RIMS2: variants seen among roughly 807,000 people sequenced by gnomAD.
The protein encoded by RIMS2 is regulating synaptic membrane exocytosis protein 2.
Under a neutral mutation model 174.4 loss-of-function variants are expected in RIMS2, and 59 were observed. That is an observed-to-expected ratio of 0.34 (90% confidence interval 0.27 to 0.42). The LOEUF (loss-of-function observed/expected upper bound fraction) is 0.42. Ranked by LOEUF, RIMS2 falls within the 10% of genes least tolerant of loss-of-function variation. The pLI is 1.00. For missense variants in RIMS2, 1,620 were observed against 1,666.3 expected (o/e 0.97, Z 0.48); for synonymous variants, 606 against 572.5 (o/e 1.06, Z -0.84).
intron 19 of RIMS2, among the ~76,000 whole-genome samples, chr8:104,059,483 G>A (rs2096936643): frequency 6.6e-6 from 1 of 150,586 alleles, no homozygotes; most frequent in Non-Finnish European, 1.5e-5. Context: ...AGACAATGGG[G>A]TTTTCTAGAT....
At chr8:104,040,371 T>C (rs1471324407) in intron 19 of RIMS2, among the ~76,000 whole-genome samples, 3 of 151,688 alleles carry the variant, frequency 2.0e-5, no homozygotes, top group Admixed American at 1.3e-4. Flanking sequence ...ATCATACTAG[T>C]ACACTAATAT....
chr8:104,049,101 G>A lies in RIMS2; in HGVS notation c.3334+34486G>A, dbSNP rs1198070871. ...TGTTCATCTGTGGCACCAGAAACAA[G>A]ACAAATTACTTCTAGATTTTTCTTT... is the stretch of plus-strand genomic sequence containing the variant. On this transcript the variant is annotated intron_variant, in intron 19 of 23. Transcript: ENST00000504942. 3.4e-5 allele frequency among the ~76,000 whole-genome samples: 5 copies of A among 145,774 alleles called. No homozygotes were observed. In the East Asian group the frequency reaches 1.0e-3, roughly 30 times the overall value.
chr8:103,837,584 T>A (rs2098907436), intron 3 of RIMS2, among the ~76,000 whole-genome samples: 1 of 152,180 alleles, frequency 6.6e-6, no homozygotes, highest in Non-Finnish European at 1.5e-5. Flanking sequence ...ATTGTTCAAT[T>A]CCCACCTATG....
At chr8:104,083,148 A>G (rs1037237144) in intron 19 of RIMS2, among the ~76,000 whole-genome samples, 20 of 152,126 alleles carry the variant, frequency 1.3e-4, no homozygotes, top group African/African-American at 4.8e-4. Flanking sequence ...TATTTGCCCT[A>G]TCCCTGAATT....
At chr8:103,715,993 T>A (rs1022905261) in intron 2 of RIMS2, among the ~76,000 whole-genome samples, 21 of 152,084 alleles carry the variant, frequency 1.4e-4, no homozygotes, top group African/African-American at 4.8e-4. Flanking sequence ...AGGAAGAGTA[T>A]TCTTTTTTTC....
At chr8:103,968,886 T>A (rs370247329) in intron 15 of RIMS2, among the ~76,000 whole-genome samples, 1 of 152,148 alleles carries the variant, frequency 6.6e-6, no homozygotes, top group South Asian at 2.1e-4. Flanking sequence ...ATATTTCTTG[T>A]AATATTGTTC....
intron 3 of RIMS2, among the ~76,000 whole-genome samples, chr8:103,818,892 T>C (rs2154471766): frequency 6.6e-6 from 1 of 152,324 alleles, no homozygotes; most frequent in South Asian, 2.1e-4. Flanking sequence ...GATCATATTT[T>C]TATTGCTTCA....
rs537829879 is a variant in RIMS2, at chr8:103,931,971, C to T, written c.2375+578C>T. 6.6e-5 allele frequency among the ~76,000 whole-genome samples: 10 copies of T among 152,068 alleles called. No individual in the cohort carries two copies. The South Asian group carries it at 8.3e-4, about 13-fold the overall frequency. On this transcript the variant is annotated intron_variant, in intron 12 of 23. Transcript: ENST00000504942. The stretch of plus-strand genomic sequence containing the variant: ...AATCAATATAAATGGTATTGTTCTA[C>T]CCTTATTTTTTTTTCTTTTTGTTCT...
chr8:104,104,044 C>G (rs2097972521), intron 19 of RIMS2, among the ~76,000 whole-genome samples: 1 of 152,102 alleles, frequency 6.6e-6, no homozygotes, highest in South Asian at 2.1e-4. Context: ...GGATCAGAAA[C>G]ATAGCTGGAT....
At chr8:103,816,802 G>A (rs993866050) in intron 3 of RIMS2, among the ~76,000 whole-genome samples, 33 of 152,154 alleles carry the variant, frequency 2.2e-4, no homozygotes, top group Admixed American at 1.6e-3. Flanking sequence ...TCTTTCAAAT[G>A]AGTCATTTTT....
At chr8:103,508,890 G>A (rs1490521002) in intron 1 of RIMS2, among the ~76,000 whole-genome samples, 1 of 152,020 alleles carries the variant, frequency 6.6e-6, no homozygotes, top group Non-Finnish European at 1.5e-5. Context: ...TTAAGGGTCA[G>A]GTAAACTCTT....
intron 19 of RIMS2, among the ~76,000 whole-genome samples, chr8:104,017,333 T>G (rs2095943603): frequency 6.6e-6 from 1 of 151,916 alleles, no homozygotes; most frequent in Admixed American, 6.5e-5. Flanking sequence ...ATATTTATTT[T>G]CAAATCCTTT....
At chr8:103,712,634 T>G (rs2138029747) in intron 2 of RIMS2, among the ~76,000 whole-genome samples, 1 of 152,294 alleles carries the variant, frequency 6.6e-6, no homozygotes, top group African/African-American at 2.4e-5. Flanking sequence ...ATTCTAATCA[T>G]AATAGGAGAC....
At chr8:104,101,575 CAT>C (rs905182297) in intron 19 of RIMS2, among the ~76,000 whole-genome samples, 7 of 151,952 alleles carry the variant, frequency 4.6e-5, no homozygotes, top group Non-Finnish European at 1.0e-4. Flanking sequence ...CACACACACA[CAT>C]ATATATACAC....
At chr8:103,727,685 T>G (rs1697971994) in intron 2 of RIMS2, among the ~76,000 whole-genome samples, 1 of 152,210 alleles carries the variant, frequency 6.6e-6, no homozygotes, top group Admixed American at 6.5e-5. Flanking sequence ...CACCATTTAT[T>G]GAGGAGACTG....
intron 19 of RIMS2, among the ~76,000 whole-genome samples, chr8:104,028,364 T>C (rs2096303783): frequency 6.6e-6 from 1 of 152,182 alleles, no homozygotes; most frequent in Non-Finnish European, 1.5e-5. Flanking sequence ...ATTTATTAAA[T>C]CAAGCTTTAA....
At chr8:103,626,716 A>C (rs941135546) in intron 1 of RIMS2, among the ~76,000 whole-genome samples, 12 of 152,184 alleles carry the variant, frequency 7.9e-5, no homozygotes, top group Non-Finnish European at 1.6e-4. Flanking sequence ...GAGTACAAAG[A>C]GAGAAATTTT....
intron 3 of RIMS2, among the ~76,000 whole-genome samples, chr8:103,777,220 G>A (rs894692479): frequency 6.6e-6 from 1 of 151,920 alleles, no homozygotes. Flanking sequence ...AAGAAAAAAG[G>A]AGAAAGAATT....
chr8:104,073,408 G>A (rs4409373), intron 19 of RIMS2, among the ~76,000 whole-genome samples: 35,221 of 152,020 alleles, frequency 0.23, 4,458 homozygotes, highest in East Asian at 0.58. Flanking sequence ...AACAAATAAT[G>A]TTTATTGGCA....
Sources: allele counts gnomAD v4.1 joint callset (sites outside exome capture counted in the v4.1 genomes callset), GRCh38; gene constraint gnomAD v4.1.1; transcripts MANE v1.5; gene names NCBI Gene and HGNC (gene_info 2026-07-23, HGNC 2026-07-21).